EPB41L3: variants seen among roughly 807,000 people sequenced by gnomAD.
EPB41L3 encodes the protein band 4.1-like protein 3.
A neutral mutation model predicts 127.1 loss-of-function variants in EPB41L3; 57 were observed. That is an observed-to-expected ratio of 0.45 (90% CI 0.36 to 0.56). The LOEUF (loss-of-function observed/expected upper bound fraction) is 0.56. Among genes scored for constraint, EPB41L3 ranks in the 20% least tolerant of loss-of-function variants. The pLI is 0.00. For synonymous variants in EPB41L3, 572 were observed against 549.5 expected (o/e 1.04, Z -0.57); for missense variants, 1,273 against 1,372.2 (o/e 0.93, Z 1.14).
intron 3 of EPB41L3, among the ~76,000 whole-genome samples, chr18:5,455,831 A>G (rs905328759): frequency 1.3e-5 from 2 of 151,116 alleles, no homozygotes; most frequent in African/African-American, 2.4e-5. Flanking sequence ...CTGTCAGACA[A>G]CATTTCCTGC....
chr18:5,523,050 G>T (rs373034825), intron 1 of EPB41L3, among the ~76,000 whole-genome samples: 3 of 152,152 alleles, frequency 2.0e-5, no homozygotes, highest in South Asian at 2.1e-4. Context: ...AGTATCAAAC[G>T]CATCACAAGT....
At chr18:5,486,125 A>G (rs984114882) in intron 2 of EPB41L3, among the ~76,000 whole-genome samples, 6 of 152,066 alleles carry the variant, frequency 3.9e-5, no homozygotes, top group African/African-American at 1.5e-4. Context: ...ACAGCATGGT[A>G]CTGGCATAAA....
intron 1 of EPB41L3, among the ~76,000 whole-genome samples, chr18:5,522,091 G>GTTAT (rs149542636): frequency 0.029 from 4,341 of 151,690 alleles, 87 homozygotes; most frequent in East Asian, 0.093. Context: ...ATGCCAAATC[G>GTTAT]TTATTTATTT....
intron 14 of EPB41L3, among the ~76,000 whole-genome samples, chr18:5,407,957 G>A (rs1450065792): frequency 6.6e-6 from 1 of 152,176 alleles, no homozygotes; most frequent in African/African-American, 2.4e-5. Flanking sequence ...TTGCCTGGTG[G>A]GTCTTTGGCA....
At chr18:5,554,069 C>T (rs1165899156) in intron 3 of EPB41L3, among the ~76,000 whole-genome samples, 1 of 152,204 alleles carries the variant, frequency 6.6e-6, no homozygotes, top group African/African-American at 2.4e-5. Context: ...TCTTTGCTCC[C>T]GTCGCCTCTC....
Position 5,478,406 on chromosome 18 carries a change from C to T in EPB41L3, c.216G>A (p.Arg72=), listed in dbSNP as rs1237324234. ...VTDKEQEFAA[R]AAKQLEYQQL... ...GCTGATATTCGAGCTGTTTTGCAGC[C>T]CTGGCAGCAAACTCCTGTTCCTTGT... The change falls in exon 3 of 23, where the codon AGG becomes AGA. Residue 72 remains arginine, a synonymous_variant. Transcript: ENST00000341928. 6.2e-7 allele frequency: 1 copy of T among 1,613,968 alleles called. No homozygotes were observed. The highest frequency in any genetic ancestry group is 8.5e-7 in the Non-Finnish European group (1 of 1,180,028).
chr18:5,408,745 A>T (rs2144142054), intron 14 of EPB41L3, among the ~76,000 whole-genome samples: 1 of 152,220 alleles, frequency 6.6e-6, no homozygotes, highest in Admixed American at 6.5e-5. Context: ...GAAAAAATAC[A>T]GTTATCCCAA....
At chr18:5,498,010 G>T (rs1791766000) in intron 1 of EPB41L3, among the ~76,000 whole-genome samples, 1 of 152,118 alleles carries the variant, frequency 6.6e-6, no homozygotes, top group Admixed American at 6.5e-5. Flanking sequence ...GTTTCTATGT[G>T]GTCTGTACAA....
chr18:5,573,000 C>G (rs937582179), intron 3 of EPB41L3, among the ~76,000 whole-genome samples: 5 of 152,082 alleles, frequency 3.3e-5, no homozygotes, highest in Non-Finnish European at 5.9e-5. Context: ...AAGGGGGAGC[C>G]AGGAGGGTGC....
rs1158738485 is a variant in EPB41L3 at position 5,395,512 on chromosome 18, T to C, written c.3072+97A>G. On this transcript the variant is annotated intron_variant, in intron 20 of 22. Transcript: ENST00000341928. ...CCGGCGTCCTGAGCTTCAAGCCACC[T>C]TGTGCTTGTGCAGCCCAACCTGTGA... is the stretch of plus-strand genomic sequence containing the variant. 3 of 1,156,606 alleles carry C rather than the reference T, an allele frequency of 2.6e-6. No individual in the cohort carries two copies. The African/African-American group carries it at 4.5e-5, about 18-fold the overall frequency. 71.6% of individuals were successfully genotyped at this position (1,156,606 alleles called of 1,614,324 possible). A position where few individuals can be genotyped will look rare whatever the true frequency, so the allele number is the denominator to read the frequency against.
At chr18:5,417,275 A>G (rs567561741) in intron 12 of EPB41L3, among the ~76,000 whole-genome samples, 1 of 152,316 alleles carries the variant, frequency 6.6e-6, no homozygotes, top group African/African-American at 2.4e-5. Flanking sequence ...ATATAATGAT[A>G]AAAGCAGGGT....
intron 1 of EPB41L3, among the ~76,000 whole-genome samples, chr18:5,527,404 A>C (rs966175133): frequency 2.0e-5 from 3 of 152,184 alleles, no homozygotes; most frequent in African/African-American, 7.2e-5. Flanking sequence ...AATGTTAAAG[A>C]CTGAGCTGCA....
intron 1 of EPB41L3, among the ~76,000 whole-genome samples, chr18:5,621,666 G>A (rs1321501956): frequency 1.3e-5 from 2 of 152,206 alleles, no homozygotes; most frequent in East Asian, 3.9e-4. Flanking sequence ...ACTTGGGCCT[G>A]GGAGGTCAAG....
At chr18:5,406,995 C>G in intron 15 of EPB41L3, 27 bp from the exon 16 acceptor site, 1 of 1,591,768 alleles carries the variant, frequency 6.3e-7, no homozygotes, top group East Asian at 2.2e-5. Context: ...AAGTATCCAA[C>G]AGTCAATGTT....
At chr18:5,497,260 T>C (rs1217094802) in intron 1 of EPB41L3, among the ~76,000 whole-genome samples, 1 of 152,178 alleles carries the variant, frequency 6.6e-6, no homozygotes, top group Non-Finnish European at 1.5e-5. Flanking sequence ...TGGAGCATTC[T>C]GAGGTGAGGA....
intron 1 of EPB41L3, among the ~76,000 whole-genome samples, chr18:5,497,110 C>G (rs1776004371): frequency 6.6e-6 from 1 of 152,102 alleles, no homozygotes; most frequent in Non-Finnish European, 1.5e-5. Flanking sequence ...GATGATTGCC[C>G]AGGCTTGGGC....
chr18:5,581,072 A>C (rs1440748477), intron 3 of EPB41L3, among the ~76,000 whole-genome samples: 4 of 152,222 alleles, frequency 2.6e-5, no homozygotes, highest in Non-Finnish European at 5.9e-5. Flanking sequence ...TTAATAGCCA[A>C]TATTTGAAAT....
At chr18:5,608,244 G>GTGTGAC (rs2094684708) in intron 3 of EPB41L3, among the ~76,000 whole-genome samples, 1 of 152,160 alleles carries the variant, frequency 6.6e-6, no homozygotes, top group South Asian at 2.1e-4. Flanking sequence ...AGCCATGACA[G>GTGTGAC]TGTGACGGGC....
chr18:5,414,119 A>G (rs1025785058), intron 13 of EPB41L3, among the ~76,000 whole-genome samples: 3 of 152,238 alleles, frequency 2.0e-5, no homozygotes, highest in Non-Finnish European at 4.4e-5. Flanking sequence ...AAGGAAAAAT[A>G]TATCTCCATG....
Sources: gnomAD v4.1 joint callset for allele counts (sites outside exome capture counted in the v4.1 genomes callset) on GRCh38, gnomAD v4.1.1 for gene constraint, MANE v1.5 for transcripts, NCBI Gene and HGNC (gene_info 2026-07-23, HGNC 2026-07-21) for gene names.